The following CPNE4 variants were observed in gnomAD, a reference collection of about 807,000 sequenced individuals.
CPNE4 encodes copine 4.
CPNE4 carries 25 observed loss-of-function variants against 67.9 expected under a neutral mutation model. That is an observed-to-expected ratio of 0.37 (90% CI 0.27 to 0.51). The LOEUF (loss-of-function observed/expected upper bound fraction) is 0.51. Ranked by LOEUF, CPNE4 falls within the 20% of genes least tolerant of loss-of-function variation. The pLI is 0.93. For missense variants in CPNE4, 464 were observed against 690.8 expected (o/e 0.67, Z 3.68); for synonymous variants, 242 against 244.9 (o/e 0.99, Z 0.11).
At chr3:131,674,198 T>A (rs900106398) in intron 6 of CPNE4, among the ~76,000 whole-genome samples, 4 of 152,042 alleles carry the variant, frequency 2.6e-5, no homozygotes, top group African/African-American at 9.7e-5. Context: ...TTTTCATGTG[T>A]TGTTGAATTA....
At chr3:131,781,520 T>C (rs1273908308) in intron 2 of CPNE4, among the ~76,000 whole-genome samples, 1 of 152,136 alleles carries the variant, frequency 6.6e-6, no homozygotes, top group Non-Finnish European at 1.5e-5. Flanking sequence ...GAGTGATGTA[T>C]AGTCTCCTTC....
intron 2 of CPNE4, among the ~76,000 whole-genome samples, chr3:131,809,283 T>C (rs2084437168): frequency 6.6e-6 from 1 of 151,954 alleles, no homozygotes; most frequent in African/African-American, 2.4e-5. Flanking sequence ...GGCAATAGAG[T>C]TATAAACCAA....
At chr3:131,923,550 C>T (rs1194601655) in intron 1 of CPNE4, among the ~76,000 whole-genome samples, 2 of 151,358 alleles carry the variant, frequency 1.3e-5, no homozygotes, top group Non-Finnish European at 3.0e-5. Context: ...ACTAAAAATA[C>T]AAAAATTAGC....
Position 132,005,314 on chromosome 3 carries a change from C to CATATAT in CPNE4, c.-2+29247_-2+29252dup, listed in dbSNP as rs767282824. Among the ~76,000 whole-genome samples, 205 of 81,596 alleles carry CATATAT rather than the reference C, an allele frequency of 2.5e-3. 2 individuals carry two copies. Among genetic ancestry groups the CATATAT allele is most frequent in the African/African-American group, 8.0e-3 (181 of 22,728 alleles). The allele number at this position is 81,596 out of a possible 152,430, so 53.5% of individuals were successfully genotyped here. A position where few individuals can be genotyped will look rare whatever the true frequency, so the allele number is the denominator to read the frequency against. ...CAAAACAATGAATGTGCCATTTTTACATATATATATATATATATATATATA... is the reference window on the plus strand; with the variant it reads ...CAAAACAATGAATGTGCCATTTTTACATATATATATATATATATATATATATATATA... On this transcript the variant is annotated intron_variant, in intron 1 of 15. Transcript: ENST00000429747.
At position 131,776,171 on chromosome 3, in the gene CPNE4, G is replaced by A. The variant is rs142310172; in HGVS notation, c.181-52546C>T. Among the ~76,000 whole-genome samples, 555 of 152,228 alleles carry A rather than the reference G, an allele frequency of 3.6e-3. 4 individuals are homozygous for A. Among genetic ancestry groups the A allele is most frequent in the African/African-American group, 0.012 (519 of 41,538 alleles). ...ATCCCAACTTCTCACGAGTTTTCCA[G>A]TAAGCCTCTCAAACCAATGAAGCAT... is the stretch of plus-strand genomic sequence containing the variant. On this transcript the variant is annotated intron_variant, in intron 2 of 15. Transcript: ENST00000429747.
intron 8 of CPNE4, among the ~76,000 whole-genome samples, chr3:131,587,182 G>A (rs944490682): frequency 1.1e-4 from 17 of 152,170 alleles, no homozygotes; most frequent in Non-Finnish European, 2.4e-4. Context: ...AATGAGGCAT[G>A]GAGAGATTAA....
intron 2 of CPNE4, among the ~76,000 whole-genome samples, chr3:131,864,916 AG>A (rs1470322321): frequency 1.4e-4 from 22 of 152,212 alleles, no homozygotes; most frequent in East Asian, 3.9e-4. Flanking sequence ...TTTAGCACGA[AG>A]GGTTGTTGAA....
intron 3 of CPNE4, among the ~76,000 whole-genome samples, chr3:131,704,421 G>A (rs770804255): frequency 5.3e-5 from 8 of 152,196 alleles, no homozygotes; most frequent in Non-Finnish European, 1.0e-4. Flanking sequence ...CTGACACTGG[G>A]TGTTTGTTCA....
intron 3 of CPNE4, among the ~76,000 whole-genome samples, chr3:131,722,358 G>A (rs992439729): frequency 6.6e-6 from 1 of 152,108 alleles, no homozygotes; most frequent in South Asian, 2.1e-4. Context: ...ACATGAGAGA[G>A]GGGATCTGAT....
At chr3:131,590,021 G>C (rs1315441615) in intron 7 of CPNE4, among the ~76,000 whole-genome samples, 1 of 152,174 alleles carries the variant, frequency 6.6e-6, no homozygotes, top group Non-Finnish European at 1.5e-5. Flanking sequence ...GGGGTGGGAG[G>C]AGGGGAGAGA....
chr3:131,938,940 A>G (rs1265236334), intron 1 of CPNE4, among the ~76,000 whole-genome samples: 2 of 152,154 alleles, frequency 1.3e-5, no homozygotes, highest in Non-Finnish European at 2.9e-5. Flanking sequence ...CTATACTAAA[A>G]TAACTGTCAA....
At chr3:131,909,013 C>T (rs1181019908) in intron 1 of CPNE4, among the ~76,000 whole-genome samples, 1 of 152,176 alleles carries the variant, frequency 6.6e-6, no homozygotes, top group Non-Finnish European at 1.5e-5. Context: ...GCTTTCACTA[C>T]CAACTGAAAA....
chr3:131,662,044 T>C (rs1339770769), intron 7 of CPNE4, among the ~76,000 whole-genome samples: 4 of 152,050 alleles, frequency 2.6e-5, no homozygotes, highest in African/African-American at 9.7e-5. Flanking sequence ...TCTTTTCCTT[T>C]CCAAGCAGTA....
rs1038488053 is a variant in CPNE4, at chr3:131,763,848, A to C, written c.181-40223T>G. Among the ~76,000 whole-genome samples, 5 of 152,296 alleles carry C rather than the reference A, an allele frequency of 3.3e-5. 1 individual carries two copies. The East Asian group carries it at 9.6e-4, about 29-fold the overall frequency. ...TGTCTAAAGCAGAATTTTCTGTAATATAAGGAAAATAAAACAGAAATATCC... is the reference window on the plus strand; with the variant it reads ...TGTCTAAAGCAGAATTTTCTGTAATCTAAGGAAAATAAAACAGAAATATCC... On this transcript the variant is annotated intron_variant, in intron 2 of 15. Transcript: ENST00000429747.
chr3:131,911,559 GTGTGTGTGT>G (rs1560587069), intron 1 of CPNE4, among the ~76,000 whole-genome samples: 1 of 142,376 alleles, frequency 7.0e-6, no homozygotes, highest in East Asian at 1.9e-4. Context: ...GTGTGTGTGT[GTGTGTGTGT>G]GTGTGTGTGT....
chr3:131,601,227 T>G lies in CPNE4; in HGVS notation c.682-13645A>C, dbSNP rs116238690. Among the ~76,000 whole-genome samples the G allele has an allele frequency of 5.3e-3, 813 of 152,336 alleles. 7 individuals are homozygous for G. The highest frequency in any genetic ancestry group is 0.018 in the African/African-American group (741 of 41,586). ...CATCTCTATGGTGGGAATTACTTTTTGTTCTATTTGCCAGGTCATTGCAAG... is the reference window on the plus strand; with the variant it reads ...CATCTCTATGGTGGGAATTACTTTTGGTTCTATTTGCCAGGTCATTGCAAG... On this transcript the variant is annotated intron_variant, in intron 7 of 15. Transcript: ENST00000429747.
intron 13 of CPNE4, 32 bp downstream of exon 13, chr3:131,552,402 GGACTGT>G (rs1241430463): frequency 1.3e-6 from 2 of 1,573,616 alleles, no homozygotes; most frequent in Non-Finnish European, 1.7e-6. Context: ...GCAAAGGGAA[GGACTGT>G]GACACTGGCT....
chr3:131,670,753 A>T (rs578063342), intron 6 of CPNE4, among the ~76,000 whole-genome samples: 46 of 152,094 alleles, frequency 3.0e-4, no homozygotes, highest in Non-Finnish European at 5.1e-4. Flanking sequence ...GTTAAATGGA[A>T]TTCTGTCATA....
intron 7 of CPNE4, among the ~76,000 whole-genome samples, chr3:131,647,515 C>T (rs931894533): frequency 6.6e-6 from 1 of 152,234 alleles, no homozygotes; most frequent in Admixed American, 6.5e-5. Flanking sequence ...TTTGCCCCAT[C>T]TAATTGTCCA....
Sources: gnomAD v4.1 joint callset for allele counts (sites outside exome capture counted in the v4.1 genomes callset) on GRCh38, gnomAD v4.1.1 for gene constraint, MANE v1.5 for transcripts, NCBI Gene and HGNC (gene_info 2026-07-23, HGNC 2026-07-21) for gene names.